The following LMNB2 variants were observed in gnomAD, a reference collection of about 807,000 sequenced individuals.
LMNB2 encodes lamin B2, also known as lamin-B2.
In LMNB2, 17 loss-of-function variants were observed where a neutral mutation model predicts 69.3. The ratio of observed to expected loss-of-function variants is 0.25; its 90% CI spans 0.17 to 0.37. LMNB2 has a LOEUF of 0.37. Ranked by LOEUF, LMNB2 falls within the 10% of genes least tolerant of loss-of-function variation. The probability of loss-of-function intolerance (pLI) is 1.00; values close to 1 mark genes in which losing one functional copy is unlikely to be tolerated. For synonymous variants in LMNB2, 397 were observed against 389.3 expected, an observed-to-expected ratio of 1.02 and a Z score of -0.23; for missense variants, 789 against 883.6, an observed-to-expected ratio of 0.89 and a Z score of 1.36.
intron 1 of LMNB2, among the ~76,000 whole-genome samples, chr19:2,448,818 A>G (rs997200850): frequency 1.3e-5 from 2 of 152,234 alleles, no homozygotes; most frequent in Non-Finnish European, 2.9e-5. Context: ...ATTGCACTCC[A>G]GCCTGGCGAC....
intron 1 of LMNB2, among the ~76,000 whole-genome samples, chr19:2,446,946 C>G (rs975535592): frequency 4.6e-5 from 7 of 152,080 alleles, no homozygotes; most frequent in African/African-American, 7.2e-5. Context: ...CGAGACCATC[C>G]TGGCTAACAC....
intron 2 of LMNB2, among the ~76,000 whole-genome samples, chr19:2,439,211 A>G (rs976401204): frequency 6.6e-6 from 1 of 151,936 alleles, no homozygotes; most frequent in Admixed American, 6.6e-5. Context: ...AAGCATAATT[A>G]TAAGTCTTGG....
In LMNB2 at chr19:2,430,795, G is replaced by T; in HGVS notation, c.*116C>A. 1 of 820,456 alleles carries T rather than the reference G, an allele frequency of 1.2e-6. No individual in the cohort carries two copies. The highest frequency in any genetic ancestry group is 1.4e-5 in the South Asian group (1 of 72,846). The allele number at this position is 820,456 out of a possible 1,614,324, so 50.8% of individuals were successfully genotyped here. A position where few individuals can be genotyped will look rare whatever the true frequency, so the allele number is the denominator to read the frequency against. The stretch of plus-strand genomic sequence containing the variant: ...TGGGGGAGACCCACCCACACGTTCT[G>T]GCAGTTCGCTTAGAAATTCTCTAGA... On this transcript the variant is annotated 3_prime_UTR_variant, in exon 12 of 12. Coordinates refer to ENST00000325327, the MANE Select transcript of LMNB2 (RefSeq NM_032737.4).
intron 4 of LMNB2, 150 bp from the exon 5 acceptor site, chr19:2,435,321 G>A (rs955004276): frequency 1.6e-5 from 18 of 1,110,746 alleles, no homozygotes; most frequent in Non-Finnish European, 2.2e-5. Flanking sequence ...GCAGGTGAGA[G>A]GCGACCCAGG....
At position 2,429,454 on chromosome 19, in the gene LMNB2, G is replaced by T. The variant is rs535748569; in HGVS notation, c.*1457C>A. 1.3e-5 allele frequency: 2 copies of T among 152,402 alleles called. No homozygotes were observed. The highest frequency in any genetic ancestry group is 4.8e-5 in the African/African-American group (2 of 41,594). The allele number at this position is 152,402 out of a possible 1,614,324, so 9.4% of individuals were successfully genotyped here. ...GCAGGGGCTACGTGGAGCAGCGGGT[G>T]TTTCTGCTTTGTCGGCCGCTGGCTC... On this transcript the variant is annotated 3_prime_UTR_variant, in exon 12 of 12. Coordinates refer to ENST00000325327, the MANE Select transcript of LMNB2 (RefSeq NM_032737.4).
intron 10 of LMNB2, 49 bp downstream of exon 10, chr19:2,431,734 A>G: frequency 1.2e-6 from 2 of 1,613,370 alleles, no homozygotes; most frequent in African/African-American, 1.3e-5. Flanking sequence ...GGGTGCCCAG[A>G]CCCTGCCCAG....
intron 2 of LMNB2, among the ~76,000 whole-genome samples, chr19:2,444,051 G>A (rs1971926821): frequency 6.6e-6 from 1 of 152,136 alleles, no homozygotes; most frequent in Non-Finnish European, 1.5e-5. Context: ...CGCGTCTCAC[G>A]GTGTCCACTG....
chr19:2,435,034 G>A lies in LMNB2; in HGVS notation c.822C>T (p.Tyr274=). 6.2e-7 allele frequency: 1 copy of A among 1,609,624 alleles called. No individual in the cohort carries two copies. The highest frequency in any genetic ancestry group is 8.5e-7 in the Non-Finnish European group (1 of 1,179,420). The change falls in exon 5 of 12, where the codon TAC becomes TAT. Residue 274 remains tyrosine (Y), a synonymous_variant. Coordinates refer to ENST00000325327, the MANE Select transcript of LMNB2 (RefSeq NM_032737.4). ...GGTAGGTCTGCTCCAGCTCCAGCTT[G>A]TAGAGCCGCACTTGCTCGTCGTGCT... ...RSQHDEQVRL[Y]KLELEQTYQA... is the part of the protein sequence containing the mutation.
chr19:2,442,073 G>C (rs1048530551), intron 2 of LMNB2, among the ~76,000 whole-genome samples: 5 of 152,196 alleles, frequency 3.3e-5, no homozygotes, highest in African/African-American at 4.8e-5. Flanking sequence ...GGTGCCCGGG[G>C]TTTTGTGGCA....
chr19:2,435,335 C>T (rs1305688785), intron 4 of LMNB2, among the ~76,000 whole-genome samples, 164 bp from the exon 5 acceptor site: 1 of 152,206 alleles, frequency 6.6e-6, no homozygotes, highest in Non-Finnish European at 1.5e-5. Context: ...ACCCAGGGGC[C>T]GTCCACGCGC....
chr19:2,436,364 G>C (rs573436909), intron 4 of LMNB2, among the ~76,000 whole-genome samples: 1 of 146,984 alleles, frequency 6.8e-6, no homozygotes, highest in Non-Finnish European at 1.5e-5. Flanking sequence ...GTGGGCAACA[G>C]AGCAAGACTC....
Position 2,444,494 on chromosome 19 carries a change from C to T in LMNB2, c.311G>A (p.Arg104Gln), listed in dbSNP as rs1004998035. The T allele has an allele frequency of 1.2e-6, 2 of 1,613,148 alleles. No individual in the cohort carries two copies. Among genetic ancestry groups the T allele is most frequent in the Non-Finnish European group, 8.5e-7 (1 of 1,180,026 alleles). Residue 104 changes from arginine (R) to glutamine (Q), a missense_variant, in exon 2 of 12, where the codon CGG (arginine) becomes CAG (glutamine). Arg to Gln is a conservative substitution (Grantham distance 43). Coordinates refer to ENST00000325327, the MANE Select transcript of LMNB2 (RefSeq NM_032737.4). Reference sequence around the variant, plus strand: ...TCGAGCCGTCTCATCCAGGACTCTCCGGGCATCGGCCAGCTCCGACTCGTA... The same window carrying T: ...TCGAGCCGTCTCATCCAGGACTCTCTGGGCATCGGCCAGCTCCGACTCGTA... ...ALYESELADA[R>Q]RVLDETARER...
intron 2 of LMNB2, 84 bp downstream of exon 2, chr19:2,444,320 C>T (rs1031720872): frequency 2.3e-5 from 35 of 1,519,640 alleles, no homozygotes; most frequent in Admixed American, 3.4e-5. Flanking sequence ...GAGCATGCCC[C>T]GCACGAGCCC....
chr19:2,432,264 T>C (rs1971749493), intron 9 of LMNB2, 152 bp downstream of exon 9: 1 of 718,576 alleles, frequency 1.4e-6, no homozygotes, highest in South Asian at 1.6e-5. Flanking sequence ...CACCAGCACA[T>C]GGAGGTTCTA....
At chr19:2,432,310 C>G (rs1014754686) in intron 9 of LMNB2, 106 bp downstream of exon 9, 5 of 898,566 alleles carry the variant, frequency 5.6e-6, no homozygotes, top group Non-Finnish European at 9.0e-6. Flanking sequence ...GTGCCTGGTG[C>G]CACCATCATC....
rs1971727478 is a variant in LMNB2 at position 2,430,590 on chromosome 19, T to C, written c.*321A>G. ...GCAGGGCCGTCTCCTGTCCCCTCGC[T>C]AGCCTCGCCGGCCCTCCTCCCTCCA... On this transcript the variant is annotated 3_prime_UTR_variant, in exon 12 of 12. Transcript: ENST00000325327. The C allele has an allele frequency of 2.2e-6, 1 of 452,832 alleles. No homozygotes were observed. The highest frequency in any genetic ancestry group is 4.1e-6 in the Non-Finnish European group (1 of 244,726). The allele number at this position is 452,832 out of a possible 1,614,324, so 28.1% of individuals were successfully genotyped here.
At chr19:2,431,308 C>A (rs564612685) in intron 11 of LMNB2, among the ~76,000 whole-genome samples, 24 of 152,286 alleles carry the variant, frequency 1.6e-4, no homozygotes, top group African/African-American at 3.9e-4. Flanking sequence ...TCTCAGGGGA[C>A]CCCCTGGCCA....
At chr19:2,434,958 G>T in intron 5 of LMNB2, 43 bp downstream of exon 5, 1 of 1,588,370 alleles carries the variant, frequency 6.3e-7, no homozygotes, top group Non-Finnish European at 8.5e-7. Context: ...GGCGGGGCGG[G>T]GTTCCCACCG....
rs779701528 is a variant in LMNB2 at position 2,431,854 on chromosome 19, C to G, written c.1639G>C (p.Val547Leu). Reference sequence around the variant, plus strand: ...CCCCAGCTGCTCTGGCCCTTCCACACCAGCGTCGAGGGGGGGCTGTGGGCC... The same window carrying G: ...CCCCAGCTGCTCTGGCCCTTCCACAGCAGCGTCGAGGGGGGGCTGTGGGCC... The part of the protein sequence containing the change: ...GVAHSPPSTL[V>L]WKGQSSWGTG... Residue 547 changes from valine (V) to leucine (L), a missense_variant, in exon 10 of 12, where the codon GTG becomes CTG. Transcript: ENST00000325327. 6.2e-7 allele frequency: 1 copy of G among 1,613,370 alleles called. No individual in the cohort carries two copies. Among genetic ancestry groups the G allele is most frequent in the Non-Finnish European group, 8.5e-7 (1 of 1,179,914 alleles).
Sources: allele counts gnomAD v4.1 joint callset (sites outside exome capture counted in the v4.1 genomes callset), GRCh38; gene constraint gnomAD v4.1.1; transcripts MANE v1.5; gene names NCBI Gene and HGNC (gene_info 2026-07-23, HGNC 2026-07-21).